The following SAR1A variants were observed in gnomAD, a reference collection of about 807,000 sequenced individuals.
SAR1A encodes the protein small COPII coat GTPase SAR1A.
Under a neutral mutation model 22.6 loss-of-function variants are expected in SAR1A, and 6 were observed. That is an observed-to-expected ratio of 0.27 (90% CI 0.15 to 0.52). The LOEUF (loss-of-function observed/expected upper bound fraction) is 0.52. SAR1A is among the 20% of genes least tolerant of loss of function. The probability of loss-of-function intolerance (pLI) is 0.96; values close to 1 mark genes in which losing one functional copy is unlikely to be tolerated. For synonymous variants in SAR1A, 70 were observed against 82.2 expected, an observed-to-expected ratio of 0.85 and a Z score of 0.80; for missense variants, 145 against 245.1, an observed-to-expected ratio of 0.59 and a Z score of 2.73.
chr10:70,166,151 G>A (rs2136722752), intron 1 of SAR1A, among the ~76,000 whole-genome samples: 1 of 152,300 alleles, frequency 6.6e-6, no homozygotes, highest in East Asian at 1.9e-4. Flanking sequence ...TAACTTTTAT[G>A]TGCACTAGGA....
chr10:70,167,742 GAC>G, intron 1 of SAR1A, among the ~76,000 whole-genome samples: 1 of 152,252 alleles, frequency 6.6e-6, no homozygotes, highest in East Asian at 1.9e-4. Context: ...CCTTACCAAA[GAC>G]AGCCAAATAA....
chr10:70,159,379 T>C (rs1045761721), intron 4 of SAR1A, among the ~76,000 whole-genome samples: 25 of 152,230 alleles, frequency 1.6e-4, no homozygotes, highest in Non-Finnish European at 5.9e-5. Flanking sequence ...ACCAATGTTA[T>C]ATTTTACTAT....
Position 70,149,186 on chromosome 10 carries a change from T to A in SAR1A, c.*3290A>T, listed in dbSNP as rs1291951794. 6.6e-6 allele frequency: 1 copy of A among 152,224 alleles called. No individual in the cohort carries two copies. Among genetic ancestry groups the A allele is most frequent in the Non-Finnish European group, 1.5e-5 (1 of 68,120 alleles). The allele number at this position is 152,224 out of a possible 1,614,324, so 9.4% of individuals were successfully genotyped here. A position where few individuals can be genotyped will look rare whatever the true frequency, so the allele number is the denominator to read the frequency against. On this transcript the variant is annotated 3_prime_UTR_variant, in exon 7 of 7. Transcript: ENST00000373241. ...GCTTCCCCGATTCAAGCGATTCTCC[T>A]GCTTCAGCCTCCTGAGTAGCTGGGA...
chr10:70,166,202 T>C lies in SAR1A; in HGVS notation c.-17+4211A>G, dbSNP rs1253781538. On this transcript the variant is annotated intron_variant, in intron 1 of 6. Transcript: ENST00000373241. Reference sequence around the variant, plus strand: ...GTTACTTGCTTTACTGTACTTGTTTTATTTCAGTAGTCTGGAACTAAACTC... The same window carrying C: ...GTTACTTGCTTTACTGTACTTGTTTCATTTCAGTAGTCTGGAACTAAACTC... Among the ~76,000 whole-genome samples, 3 of 152,270 alleles carry C rather than the reference T, an allele frequency of 2.0e-5. No homozygotes were observed. In the East Asian group the frequency reaches 5.8e-4, roughly 29 times the overall value.
chr10:70,169,990 C>T (rs870801), intron 1 of SAR1A, among the ~76,000 whole-genome samples: 1 of 152,042 alleles, frequency 6.6e-6, no homozygotes, highest in Admixed American at 6.5e-5. Context: ...AGCGCTCACA[C>T]TCGCTAACTG....
At chr10:70,153,016 A>T (rs988418190) in intron 6 of SAR1A, among the ~76,000 whole-genome samples, 3 of 152,244 alleles carry the variant, frequency 2.0e-5, no homozygotes, top group African/African-American at 7.2e-5. Context: ...TGAAGAATTC[A>T]TGTGTATTTA....
intron 4 of SAR1A, among the ~76,000 whole-genome samples, chr10:70,158,351 T>C (rs758493783): frequency 1.3e-5 from 2 of 152,220 alleles, no homozygotes; most frequent in African/African-American, 2.4e-5. Context: ...TCCCAGTTAG[T>C]TTCTAGCCAA....
At chr10:70,163,451 CTT>C (rs755320187) in intron 1 of SAR1A, among the ~76,000 whole-genome samples, 1 of 152,110 alleles carries the variant, frequency 6.6e-6, no homozygotes, top group Non-Finnish European at 1.5e-5. Flanking sequence ...AGCTGACTCT[CTT>C]GTTATGGGCT....
Position 70,154,771 on chromosome 10 carries a change from T to C in SAR1A, c.349-802A>G, listed in dbSNP as rs374790109. Among the ~76,000 whole-genome samples, 9 of 152,288 alleles carry C rather than the reference T, an allele frequency of 5.9e-5. No homozygotes were observed. The East Asian group carries it at 1.4e-3, about 23-fold the overall frequency. On this transcript the variant is annotated intron_variant, in intron 5 of 6. Transcript: ENST00000373241. The stretch of plus-strand genomic sequence containing the variant: ...CCACCACGCCCAGCCACATTTATGT[T>C]AACAAAGCCAAGTAAGAACACAATA...
rs773065507 is a variant in SAR1A, at chr10:70,152,514, C to T, written c.559G>A (p.Gly187Ser). Residue 187 changes from glycine (G) to serine (S), a missense_variant, in exon 7 of 7, where the codon GGC (glycine) becomes AGC (serine). Gly to Ser is a moderately conservative substitution (Grantham distance 56). Coordinates refer to ENST00000373241, the MANE Select transcript of SAR1A (RefSeq NM_020150.5). Reference protein sequence around the residue: ...MCSVLKRQGYGEGFRWLSQYI... With the variant: ...MCSVLKRQGYSEGFRWLSQYI... ...TGGGAGAGCCAGCGGAAACCCTCGC[C>T]GTAACCTTGCCTCTTGAGCACACTG... 1.9e-6 allele frequency: 3 copies of T among 1,614,090 alleles called. No homozygotes were observed. Among genetic ancestry groups the T allele is most frequent in the Non-Finnish European group, 2.5e-6 (3 of 1,179,966 alleles).
At chr10:70,155,408 G>C (rs929862799) in intron 5 of SAR1A, among the ~76,000 whole-genome samples, 2 of 152,174 alleles carry the variant, frequency 1.3e-5, no homozygotes, top group African/African-American at 4.8e-5. Flanking sequence ...GGGGAAAGCA[G>C]AGTTAAAGAG....
intron 1 of SAR1A, among the ~76,000 whole-genome samples, chr10:70,169,944 G>T (rs1234014457): frequency 6.6e-6 from 1 of 152,184 alleles, no homozygotes; most frequent in Non-Finnish European, 1.5e-5. Context: ...TGACTTGGGG[G>T]TAAGCCCTGG....
At chr10:70,162,374 G>T (rs75892750) in intron 1 of SAR1A, among the ~76,000 whole-genome samples, 1,468 of 142,776 alleles carry the variant, frequency 0.01, 22 homozygotes, top group African/African-American at 0.036. Context: ...GAAAGGGAAG[G>T]GAAAGGGAAA....
At position 70,157,710 on chromosome 10, in the gene SAR1A, G is replaced by A; in HGVS notation, c.348+54C>T. The A allele has an allele frequency of 5.2e-6, 7 of 1,350,016 alleles. No individual in the cohort carries two copies. In the African/African-American group the frequency reaches 5.9e-5, roughly 11 times the overall value. 83.6% of individuals were successfully genotyped at this position (1,350,016 alleles called of 1,614,324 possible). ...GCTATATTCCTTAAAAAAAAATAGA[G>A]GCCAAAAAAGAACAAAATATACATT... On this transcript the variant is annotated intron_variant, in intron 5 of 6. Transcript: ENST00000373241.
chr10:70,158,405 G>C (rs1388032131), intron 4 of SAR1A, among the ~76,000 whole-genome samples: 1 of 152,198 alleles, frequency 6.6e-6, no homozygotes, highest in South Asian at 2.1e-4. Context: ...TCAGCCCTTA[G>C]GGAGACTAGG....
intron 5 of SAR1A, among the ~76,000 whole-genome samples, chr10:70,156,610 T>C (rs923558588): frequency 3.3e-5 from 5 of 150,350 alleles, no homozygotes; most frequent in Admixed American, 6.6e-5. Flanking sequence ...AGTCTGGAGG[T>C]TACAGTGAGC....
intron 1 of SAR1A, among the ~76,000 whole-genome samples, chr10:70,169,796 G>A (rs1589880726): frequency 6.6e-6 from 1 of 152,198 alleles, no homozygotes; most frequent in Non-Finnish European, 1.5e-5. Context: ...CCACTGGCTA[G>A]AATCGTGAAG....
At position 70,151,029 on chromosome 10, in the gene SAR1A, T is replaced by A. The variant is rs1839319182; in HGVS notation, c.*1447A>T. The A allele has an allele frequency of 6.6e-6, 1 of 152,108 alleles. No homozygotes were observed. The allele number at this position is 152,108 out of a possible 1,614,324, so 9.4% of individuals were successfully genotyped here. A position where few individuals can be genotyped will look rare whatever the true frequency, so the allele number is the denominator to read the frequency against. On this transcript the variant is annotated 3_prime_UTR_variant, in exon 7 of 7. Coordinates refer to ENST00000373241, the MANE Select transcript of SAR1A (RefSeq NM_020150.5). ...AGATATATCTTTTGATCTTTTATTA[T>A]AAGGGTAGAATATAGATTAAGATCA...
chr10:70,168,549 G>C (rs1199625312), intron 1 of SAR1A, among the ~76,000 whole-genome samples: 1 of 152,124 alleles, frequency 6.6e-6, no homozygotes, highest in African/African-American at 2.4e-5. Context: ...CCGAGGTCAT[G>C]ACATTGCACT....
Sources: allele counts gnomAD v4.1 joint callset (sites outside exome capture counted in the v4.1 genomes callset), GRCh38; gene constraint gnomAD v4.1.1; transcripts MANE v1.5; gene names NCBI Gene and HGNC (gene_info 2026-07-23, HGNC 2026-07-21).